Variants in CCL20 observed in about 807,000 individuals in gnomAD.
CCL20 encodes C-C motif chemokine ligand 20, also known as C-C motif chemokine 20.
Under a neutral mutation model 10.8 loss-of-function variants are expected in CCL20, and 8 were observed. The ratio of observed to expected loss-of-function variants is 0.74; its 90% CI spans 0.44 to 1.34. The LOEUF is 1.34. Among genes scored for constraint, CCL20 ranks in the 40% most tolerant of loss-of-function variants. The pLI, the probability that CCL20 is intolerant of heterozygous loss-of-function variation, is 0.01. For missense variants in CCL20, 107 were observed against 117.9 expected (o/e 0.91, Z 0.43); for synonymous variants, 40 against 39.4 (o/e 1.02, Z -0.06).
At position 227,815,493 on chromosome 2, in the gene CCL20, G is replaced by A. The variant is rs750593133; in HGVS notation, c.116G>A (p.Arg39His). ...GACTGCTGTCTTGGATACACAGACCGTATTCTTCATCCTAAATTTATTGTG... is the reference window on the plus strand; with the variant it reads ...GACTGCTGTCTTGGATACACAGACCATATTCTTCATCCTAAATTTATTGTG... ...NFDCCLGYTD[R>H]ILHPKFIVGF... The change falls in exon 2 of 4, where the codon CGT becomes CAT. Residue 39 changes from arginine (R) to histidine (H), a missense_variant. Physicochemically the swap from Arg to His is conservative, Grantham distance 29 (BLOSUM62 0). Coordinates refer to ENST00000358813, the MANE Select transcript of CCL20 (RefSeq NM_004591.3). 1.8e-5 allele frequency: 29 copies of A among 1,606,766 alleles called. No homozygotes were observed. Among genetic ancestry groups the A allele is most frequent in the Non-Finnish European group, 2.3e-5 (27 of 1,176,926 alleles).
chr2:227,817,185 T>C lies in CCL20; in HGVS notation c.*102T>C. On this transcript the variant is annotated 3_prime_UTR_variant, in exon 4 of 4. Transcript: ENST00000358813. ...TTGCACATCATGGAGGGTTTAGTGCTTATCTAATTTGTGCCTCACTGGACT... is the reference window on the plus strand; with the variant it reads ...TTGCACATCATGGAGGGTTTAGTGCCTATCTAATTTGTGCCTCACTGGACT... 1 of 816,422 alleles carries C rather than the reference T, an allele frequency of 1.2e-6. No individual in the cohort carries two copies. The highest frequency in any genetic ancestry group is 1.8e-5 in the South Asian group (1 of 57,046). The allele number at this position is 816,422 out of a possible 1,614,324, so 50.6% of individuals were successfully genotyped here.
At chr2:227,814,194 A>C (rs2106159781) in intron 1 of CCL20, among the ~76,000 whole-genome samples, 1 of 152,250 alleles carries the variant, frequency 6.6e-6, no homozygotes, top group East Asian at 1.9e-4. Flanking sequence ...CAATCTCAGC[A>C]GATTTGGGGA....
intron 1 of CCL20, 101 bp downstream of exon 1, chr2:227,814,088 G>A: frequency 1.0e-6 from 1 of 995,878 alleles, no homozygotes; most frequent in Non-Finnish European, 1.6e-6. Flanking sequence ...AAAACTGTTA[G>A]GAAGTATACA....
intron 2 of CCL20, chr2:227,816,000 G>GAATTT: frequency 3.5e-6 from 1 of 286,056 alleles, no homozygotes; most frequent in Non-Finnish European, 6.5e-6. Flanking sequence ...TTATATTTTG[G>GAATTT]AATTATACAA....
chr2:227,814,928 A>G (rs1334287802), intron 1 of CCL20, among the ~76,000 whole-genome samples: 4 of 152,066 alleles, frequency 2.6e-5, no homozygotes, highest in Non-Finnish European at 5.9e-5. Context: ...AAACATTCCT[A>G]TTAATTAATA....
At position 227,817,344 on chromosome 2, in the gene CCL20, A is replaced by G; in HGVS notation, c.*261A>G. On this transcript the variant is annotated 3_prime_UTR_variant, in exon 4 of 4. Coordinates refer to ENST00000358813, the MANE Select transcript of CCL20 (RefSeq NM_004591.3). Reference sequence around the variant, plus strand: ...TTTAGCTATTTAATACTAATTTTCCATAAGCTATTTTGGTTTAGTGCAAAG... The same window carrying G: ...TTTAGCTATTTAATACTAATTTTCCGTAAGCTATTTTGGTTTAGTGCAAAG... 1 of 269,144 alleles carries G rather than the reference A, an allele frequency of 3.7e-6. No homozygotes were observed. 16.7% of individuals were successfully genotyped at this position (269,144 alleles called of 1,614,324 possible).
chr2:227,815,864 A>G (rs2396506), intron 2 of CCL20: 251,463 of 270,214 alleles, frequency 0.93, 117,144 homozygotes, highest in Admixed American at 0.95. Flanking sequence ...AAAGTGATAT[A>G]TTAGGAAAAT....
chr2:227,815,485 C>T lies in CCL20; in HGVS notation c.108C>T (p.Tyr36=), dbSNP rs757613186. 3.7e-6 allele frequency: 6 copies of T among 1,605,700 alleles called. No individual in the cohort carries two copies. The highest frequency in any genetic ancestry group is 1.1e-5 in the South Asian group (1 of 90,474). The part of the protein sequence containing the change: ...AASNFDCCLG[Y]TDRILHPKFI... ...GCAACTTTGACTGCTGTCTTGGATA[C>T]ACAGACCGTATTCTTCATCCTAAAT... The change falls in exon 2 of 4, where the codon TAC becomes TAT. Residue 36 remains tyrosine, a synonymous_variant. Transcript: ENST00000358813.
At position 227,815,570 on chromosome 2, in the gene CCL20, T is replaced by C. The variant is rs751755803; in HGVS notation, c.191+2T>C. On this transcript the variant is annotated splice_donor_variant, in intron 2 of 3. Coordinates refer to ENST00000358813, the MANE Select transcript of CCL20 (RefSeq NM_004591.3). LOFTEE classifies it high-confidence loss of function. ...AGGCTGTGACATCAATGCTATCATGTAAGTTATTAATTGATTTTAATTCAG... is the reference window on the plus strand; with the variant it reads ...AGGCTGTGACATCAATGCTATCATGCAAGTTATTAATTGATTTTAATTCAG... 4.0e-6 allele frequency: 6 copies of C among 1,484,874 alleles called. No individual in the cohort carries two copies. 92.0% of individuals were successfully genotyped at this position (1,484,874 alleles called of 1,614,324 possible).
In CCL20 at chr2:227,817,384, T is replaced by A; in HGVS notation, c.*301T>A. On this transcript the variant is annotated 3_prime_UTR_variant, in exon 4 of 4. Coordinates refer to ENST00000358813, the MANE Select transcript of CCL20 (RefSeq NM_004591.3). ...TTAGTGCAAAGTATAAAATTATATT[T>A]GGGGGGGAATAAGATTATATGGACT... 4.8e-6 allele frequency: 1 copy of A among 207,120 alleles called. No individual in the cohort carries two copies. The highest frequency in any genetic ancestry group is 1.0e-4 in the East Asian group (1 of 9,956). 12.8% of individuals were successfully genotyped at this position (207,120 alleles called of 1,614,324 possible). A position where few individuals can be genotyped will look rare whatever the true frequency, so the allele number is the denominator to read the frequency against.
intron 1 of CCL20, among the ~76,000 whole-genome samples, chr2:227,815,159 T>A (rs1045022774): frequency 3.3e-5 from 5 of 152,340 alleles, no homozygotes; most frequent in Middle Eastern, 3.4e-3. Flanking sequence ...TCAATTTGTA[T>A]TTCTTACTGA....
At chr2:227,815,388 T>C in intron 1 of CCL20, 66 bp from the exon 2 acceptor site, 1 of 791,768 alleles carries the variant, frequency 1.3e-6, no homozygotes, top group Non-Finnish European at 2.1e-6. Context: ...GGTAGTTTTA[T>C]AATACCAATC....
At chr2:227,814,108 G>A in intron 1 of CCL20, 121 bp downstream of exon 1, 1 of 833,124 alleles carries the variant, frequency 1.2e-6, no homozygotes, top group Non-Finnish European at 2.0e-6. Flanking sequence ...AAGAGGTAGT[G>A]ATGGAAGTTG....
At position 227,817,104 on chromosome 2, in the gene CCL20, T is replaced by C; in HGVS notation, c.*21T>C. On this transcript the variant is annotated 3_prime_UTR_variant, in exon 4 of 4. Coordinates refer to ENST00000358813, the MANE Select transcript of CCL20 (RefSeq NM_004591.3). Reference sequence around the variant, plus strand: ...TGTAAAAACTGTGGCTTTTCTGGAATGGAATTGGACATAGCCCAAGAACAG... The same window carrying C: ...TGTAAAAACTGTGGCTTTTCTGGAACGGAATTGGACATAGCCCAAGAACAG... 1 of 1,602,330 alleles carries C rather than the reference T, an allele frequency of 6.2e-7. No individual in the cohort carries two copies. The highest frequency in any genetic ancestry group is 8.5e-7 in the Non-Finnish European group (1 of 1,169,814).
chr2:227,817,126 A>G lies in CCL20; in HGVS notation c.*43A>G, dbSNP rs150460518. The G allele has an allele frequency of 1.9e-6, 3 of 1,545,268 alleles. No individual in the cohort carries two copies. The highest frequency in any genetic ancestry group is 2.7e-5 in the African/African-American group (2 of 73,538). ...GAATGGAATTGGACATAGCCCAAGA[A>G]CAGAAAGAACCTTGCTGGGGTTGGA... On this transcript the variant is annotated 3_prime_UTR_variant, in exon 4 of 4. Transcript: ENST00000358813.
chr2:227,815,316 C>G, intron 1 of CCL20, 138 bp from the exon 2 acceptor site: 1 of 530,168 alleles, frequency 1.9e-6, no homozygotes, highest in Non-Finnish European at 3.3e-6. Flanking sequence ...GACATTGAAA[C>G]TCCTCCTCTA....
At chr2:227,815,244 T>C (rs1690006928) in intron 1 of CCL20, 1 of 378,742 alleles carries the variant, frequency 2.6e-6, no homozygotes, top group African/African-American at 2.1e-5. Context: ...ACACAAACTG[T>C]TTTTTCAAAG....
At chr2:227,816,924 T>C in intron 3 of CCL20, 138 bp from the exon 4 acceptor site, 1 of 677,494 alleles carries the variant, frequency 1.5e-6, no homozygotes, top group South Asian at 1.9e-5. Flanking sequence ...AACCTCAATT[T>C]CCTCATCTGA....
chr2:227,815,310 T>G, intron 1 of CCL20, 144 bp from the exon 2 acceptor site: 1 of 522,738 alleles, frequency 1.9e-6, no homozygotes, highest in Non-Finnish European at 3.4e-6. Flanking sequence ...TTCCAAGACA[T>G]TGAAACTCCT....
Sources: allele counts gnomAD v4.1 joint callset (sites outside exome capture counted in the v4.1 genomes callset), GRCh38; gene constraint gnomAD v4.1.1; transcripts MANE v1.5; gene names NCBI Gene and HGNC (gene_info 2026-07-23, HGNC 2026-07-21).